RAB27B: variants seen among roughly 807,000 people sequenced by gnomAD.
RAB27B encodes the protein RAB27B, member RAS oncogene family, also known as ras-related protein Rab-27B.
RAB27B carries 15 observed loss-of-function variants against 24.6 expected under a neutral mutation model. That is an observed-to-expected ratio of 0.61 (90% CI 0.41 to 0.94). RAB27B has a LOEUF of 0.94. Ranked by LOEUF, RAB27B falls within the 40% of genes least tolerant of loss-of-function variation. The pLI, the probability that RAB27B is intolerant of heterozygous loss-of-function variation, is 0.00. For synonymous variants in RAB27B, 105 were observed against 92.5 expected, an observed-to-expected ratio of 1.14 and a Z score of -0.78; for missense variants, 261 against 266.8, an observed-to-expected ratio of 0.98 and a Z score of 0.15.
In RAB27B at chr18:54,723,075, A is replaced by C. The variant is rs151124210; in HGVS notation, c.-20+4934A>C. Reference sequence around the variant, plus strand: ...TTGAGACAACTTTCCAATCTTGTAAAAGAAAATGGAATTCCCCTGAGTGGC... The same window carrying C: ...TTGAGACAACTTTCCAATCTTGTAACAGAAAATGGAATTCCCCTGAGTGGC... On this transcript the variant is annotated intron_variant, in intron 2 of 4. Coordinates refer to the RAB27B transcript ENST00000586570. Among the ~76,000 whole-genome samples, 238 of 152,320 alleles carry C rather than the reference A, an allele frequency of 1.6e-3. 1 individual carries two copies. Among genetic ancestry groups the C allele is most frequent in the African/African-American group, 5.1e-3 (214 of 41,566 alleles).
At chr18:54,788,798 A>T (rs533915195) in intron 2 of RAB27B, among the ~76,000 whole-genome samples, 1 of 150,622 alleles carries the variant, frequency 6.6e-6, no homozygotes, top group African/African-American at 2.4e-5. Context: ...ATTTTTGTGT[A>T]GGAGCCTCTG....
chr18:54,863,433 T>C (rs1043952422), intron 1 of RAB27B, among the ~76,000 whole-genome samples: 1 of 152,206 alleles, frequency 6.6e-6, no homozygotes, highest in Non-Finnish European at 1.5e-5. Flanking sequence ...AAACAAGCAT[T>C]GTGGAGGTAG....
intron 2 of RAB27B, among the ~76,000 whole-genome samples, chr18:54,810,272 A>G (rs1053721438): frequency 5.3e-5 from 8 of 152,212 alleles, no homozygotes; most frequent in African/African-American, 1.9e-4. Flanking sequence ...TATGCCTCCA[A>G]TAAATTTGCT....
At chr18:54,882,108 G>T (rs1307462437) in intron 3 of RAB27B, among the ~76,000 whole-genome samples, 7 of 152,068 alleles carry the variant, frequency 4.6e-5, no homozygotes, top group Non-Finnish European at 7.4e-5. Context: ...AGAAAAAATT[G>T]AATAAATTTT....
chr18:54,831,561 A>G (rs1357683328), intron 1 of RAB27B, among the ~76,000 whole-genome samples: 3 of 152,232 alleles, frequency 2.0e-5, no homozygotes. Flanking sequence ...AGCCCTGTGG[A>G]TAACAGATGT....
At chr18:54,784,862 A>G (rs1004984042) in intron 2 of RAB27B, among the ~76,000 whole-genome samples, 2 of 152,192 alleles carry the variant, frequency 1.3e-5, no homozygotes, top group African/African-American at 4.8e-5. Flanking sequence ...AAAACAGCAG[A>G]CAATGTGCTA....
At chr18:54,789,797 A>G (rs1909193919) in intron 2 of RAB27B, among the ~76,000 whole-genome samples, 1 of 152,134 alleles carries the variant, frequency 6.6e-6, no homozygotes, top group Non-Finnish European at 1.5e-5. Flanking sequence ...TCATTTTTGA[A>G]ATTAAAGTTA....
intron 2 of RAB27B, among the ~76,000 whole-genome samples, chr18:54,796,619 T>C (rs1246541097): frequency 6.6e-6 from 1 of 152,166 alleles, no homozygotes; most frequent in Non-Finnish European, 1.5e-5. Context: ...GGTTTGCCAA[T>C]CTGCTGGTGT....
chr18:54,840,064 A>G (rs569462619), intron 1 of RAB27B, among the ~76,000 whole-genome samples: 5 of 152,328 alleles, frequency 3.3e-5, no homozygotes, highest in African/African-American at 9.6e-5. Flanking sequence ...TATAAGGCCA[A>G]ACATTCTCTA....
chr18:54,759,686 T>C (rs1908120758), intron 2 of RAB27B, among the ~76,000 whole-genome samples: 1 of 152,172 alleles, frequency 6.6e-6, no homozygotes, highest in Non-Finnish European at 1.5e-5. Flanking sequence ...CCCACCATCC[T>C]GTACCCATAA....
chr18:54,877,459 G>A (rs1412952381), intron 1 of RAB27B, 108 bp from the exon 2 acceptor site: 7 of 794,362 alleles, frequency 8.8e-6, no homozygotes, highest in African/African-American at 3.7e-5. Context: ...GCAGAATAGA[G>A]GTATTCAACT....
intron 2 of RAB27B, among the ~76,000 whole-genome samples, chr18:54,737,332 C>T (rs1909927281): frequency 6.6e-6 from 1 of 152,104 alleles, no homozygotes; most frequent in Non-Finnish European, 1.5e-5. Flanking sequence ...GAATAACAAC[C>T]ACAATTTTAT....
chr18:54,755,470 A>G (rs1301339261), intron 2 of RAB27B, among the ~76,000 whole-genome samples: 1 of 152,192 alleles, frequency 6.6e-6, no homozygotes, highest in Non-Finnish European at 1.5e-5. Flanking sequence ...TCTCTGTGGC[A>G]TCAGGTTTAA....
chr18:54,805,777 C>G (rs1909773180), intron 2 of RAB27B, among the ~76,000 whole-genome samples: 1 of 152,134 alleles, frequency 6.6e-6, no homozygotes, highest in Non-Finnish European at 1.5e-5. Context: ...TTGTACGAAA[C>G]TTAAGTTCCT....
chr18:54,832,894 T>A (rs1197582845), intron 1 of RAB27B, among the ~76,000 whole-genome samples: 5 of 152,120 alleles, frequency 3.3e-5, no homozygotes, highest in African/African-American at 9.7e-5. Context: ...TCAGAAAAAC[T>A]ATAAAAAATT....
intron 2 of RAB27B, among the ~76,000 whole-genome samples, chr18:54,741,997 G>C (rs569848740): frequency 2.0e-5 from 3 of 152,198 alleles, no homozygotes; most frequent in Non-Finnish European, 4.4e-5. Context: ...TAAGGGGTTT[G>C]TTTTGGCCTG....
intron 1 of RAB27B, among the ~76,000 whole-genome samples, chr18:54,858,583 C>T (rs932287293): frequency 7.9e-5 from 12 of 151,910 alleles, no homozygotes; most frequent in African/African-American, 2.9e-4. Context: ...TTAGTAGAGA[C>T]GGGTTTCACC....
At position 54,879,729 on chromosome 18, in the gene RAB27B, G is replaced by T. The variant is rs184951192; in HGVS notation, c.239+275G>T. ...TTTGCACTTCTTAGAAGGAAAAAAA[G>T]GTTCTCCAGAATTTAATTGAATGAA... is the stretch of plus-strand genomic sequence containing the variant. On this transcript the variant is annotated intron_variant, in intron 3 of 5. Coordinates refer to ENST00000262094, the MANE Select transcript of RAB27B (RefSeq NM_004163.4). 46 of 301,760 alleles carry T rather than the reference G, an allele frequency of 1.5e-4. 1 individual carries two copies. In the East Asian group the frequency reaches 2.3e-3, roughly 15 times the overall value. The allele number at this position is 301,760 out of a possible 1,614,324, so 18.7% of individuals were successfully genotyped here.
chr18:54,840,049 C>G (rs568470096), intron 1 of RAB27B, among the ~76,000 whole-genome samples: 1 of 152,234 alleles, frequency 6.6e-6, no homozygotes, highest in South Asian at 2.1e-4. Context: ...AATAATGAAG[C>G]TTTTTATAAG....
Sources: gnomAD v4.1 joint callset for allele counts (sites outside exome capture counted in the v4.1 genomes callset) on GRCh38, gnomAD v4.1.1 for gene constraint, MANE v1.5 for transcripts, NCBI Gene and HGNC (gene_info 2026-07-23, HGNC 2026-07-21) for gene names.